Variants in LYPD6B observed in about 807,000 individuals in gnomAD.
LYPD6B encodes the protein LY6/PLAUR domain containing 6B.
Under a neutral mutation model 22.8 loss-of-function variants are expected in LYPD6B, and 17 were observed. The ratio of observed to expected loss-of-function variants is 0.75; its 90% CI spans 0.51 to 1.12. The LOEUF (loss-of-function observed/expected upper bound fraction) is 1.12. LYPD6B is among the 50% of genes most tolerant of loss of function. The pLI is 0.00. For synonymous variants in LYPD6B, 106 were observed against 91.6 expected, an observed-to-expected ratio of 1.16 and a Z score of -0.90; for missense variants, 221 against 258.3, an observed-to-expected ratio of 0.86 and a Z score of 0.99.
intron 3 of LYPD6B, among the ~76,000 whole-genome samples, chr2:149,185,327 C>T (rs754017238): frequency 3.9e-5 from 6 of 152,166 alleles, no homozygotes; most frequent in African/African-American, 7.2e-5. Flanking sequence ...CACCACCCAC[C>T]GGTAGGAAGC....
chr2:149,189,365 T>TATATATATATATATATATATATATATAC (rs1559066292), intron 3 of LYPD6B, among the ~76,000 whole-genome samples: 11 of 93,202 alleles, frequency 1.2e-4, no homozygotes, highest in African/African-American at 3.9e-4. Flanking sequence ...TATATATATA[T>TATATATATATATATATATATATATATAC]ATACACACAC....
intron 3 of LYPD6B, among the ~76,000 whole-genome samples, chr2:149,196,083 A>G (rs1207116210): frequency 6.6e-6 from 1 of 152,214 alleles, no homozygotes; most frequent in Non-Finnish European, 1.5e-5. Context: ...TTAAAACACT[A>G]TTTAACATAC....
intron 3 of LYPD6B, chr2:149,204,606 A>G (rs1034789853): frequency 1.3e-5 from 2 of 154,370 alleles, no homozygotes; most frequent in African/African-American, 4.8e-5. Context: ...TGTTTCCTCT[A>G]GAGCCTCCTG....
chr2:149,158,181 C>A (rs1310002158), intron 2 of LYPD6B, among the ~76,000 whole-genome samples: 1 of 152,120 alleles, frequency 6.6e-6, no homozygotes, highest in Non-Finnish European at 1.5e-5. Context: ...AACTCTTCTA[C>A]CTCTTACATA....
chr2:149,144,850 C>T (rs1688917973), intron 2 of LYPD6B, among the ~76,000 whole-genome samples: 1 of 152,196 alleles, frequency 6.6e-6, no homozygotes, highest in Non-Finnish European at 1.5e-5. Flanking sequence ...TCAAATACAG[C>T]AAATTTCACA....
intron 1 of LYPD6B, among the ~76,000 whole-genome samples, chr2:149,110,242 A>G (rs1291885612): frequency 6.6e-6 from 1 of 152,074 alleles, no homozygotes; most frequent in African/African-American, 2.4e-5. Context: ...AAATATAGGG[A>G]GTACAGTTAT....
intron 2 of LYPD6B, among the ~76,000 whole-genome samples, chr2:149,148,899 T>A (rs1027747890): frequency 6.6e-6 from 1 of 152,174 alleles, no homozygotes; most frequent in African/African-American, 2.4e-5. Flanking sequence ...TGCAGTCTTA[T>A]TGAGCAAACA....
At chr2:149,076,127 G>T (rs1339760844) in intron 1 of LYPD6B, among the ~76,000 whole-genome samples, 1 of 152,146 alleles carries the variant, frequency 6.6e-6, no homozygotes, top group Non-Finnish European at 1.5e-5. Flanking sequence ...ATATCGGAAA[G>T]TGAAACGTCA....
chr2:149,073,203 G>A (rs1159471665), intron 1 of LYPD6B, among the ~76,000 whole-genome samples: 1 of 152,186 alleles, frequency 6.6e-6, no homozygotes, highest in Non-Finnish European at 1.5e-5. Flanking sequence ...ACCCTGTGCA[G>A]TTGTAGCTTC....
intron 1 of LYPD6B, among the ~76,000 whole-genome samples, chr2:149,056,092 A>G (rs1683775095): frequency 6.6e-6 from 1 of 152,266 alleles, no homozygotes; most frequent in Non-Finnish European, 1.5e-5. Context: ...GAGGCTTGGC[A>G]TAATGGCTAC....
At chr2:149,089,620 T>C (rs1022965451) in intron 1 of LYPD6B, among the ~76,000 whole-genome samples, 18 of 152,218 alleles carry the variant, frequency 1.2e-4, no homozygotes, top group African/African-American at 4.3e-4. Context: ...TATGCTTCAA[T>C]GGATATGGTA....
chr2:149,074,688 A>G (rs1199974784), intron 1 of LYPD6B, among the ~76,000 whole-genome samples: 2 of 152,258 alleles, frequency 1.3e-5, no homozygotes, highest in Non-Finnish European at 2.9e-5. Context: ...CCCTCTTTGA[A>G]GAAAAATGTG....
At chr2:149,149,368 C>T (rs552972424) in intron 2 of LYPD6B, among the ~76,000 whole-genome samples, 29 of 152,134 alleles carry the variant, frequency 1.9e-4, no homozygotes, top group African/African-American at 7.0e-4. Flanking sequence ...ATTTTTCTTT[C>T]ATTCATAGTT....
At chr2:149,045,618 T>G (rs1683272746) in intron 1 of LYPD6B, among the ~76,000 whole-genome samples, 1 of 152,148 alleles carries the variant, frequency 6.6e-6, no homozygotes, top group Non-Finnish European at 1.5e-5. Context: ...TTTAAATATT[T>G]TAACATTTCT....
intron 3 of LYPD6B, among the ~76,000 whole-genome samples, chr2:149,168,211 CAA>C (rs386391472): frequency 6.6e-4 from 32 of 48,508 alleles, no homozygotes; most frequent in African/African-American, 2.2e-3. Flanking sequence ...GGCTCTGTCT[CAA>C]AAAAAAAAAA....
At chr2:149,109,697 T>G (rs1686663513) in intron 1 of LYPD6B, among the ~76,000 whole-genome samples, 1 of 152,036 alleles carries the variant, frequency 6.6e-6, no homozygotes, top group South Asian at 2.1e-4. Flanking sequence ...TATGTTCCCT[T>G]TATTTATTTA....
chr2:149,159,454 C>T (rs1215078356), intron 2 of LYPD6B, among the ~76,000 whole-genome samples: 3 of 152,246 alleles, frequency 2.0e-5, no homozygotes, highest in East Asian at 3.9e-4. Context: ...CATGTTCTTA[C>T]AGCCTCTTTT....
intron 1 of LYPD6B, among the ~76,000 whole-genome samples, chr2:149,065,348 G>A (rs982509189): frequency 1.3e-5 from 2 of 152,208 alleles, no homozygotes; most frequent in South Asian, 2.1e-4. Context: ...TAACAAGCTC[G>A]TTAGTCCTGG....
At chr2:149,199,123 C>G (rs1025121109) in intron 3 of LYPD6B, among the ~76,000 whole-genome samples, 1 of 152,218 alleles carries the variant, frequency 6.6e-6, no homozygotes, top group East Asian at 1.9e-4. Flanking sequence ...GGGAGAAATG[C>G]GGGAAGCAGG....
Sources: gnomAD v4.1 joint callset for allele counts (sites outside exome capture counted in the v4.1 genomes callset) on GRCh38, gnomAD v4.1.1 for gene constraint, MANE v1.5 for transcripts, NCBI Gene and HGNC (gene_info 2026-07-23, HGNC 2026-07-21) for gene names.